NBPF3: variants seen among roughly 807,000 people sequenced by gnomAD.
The protein encoded by NBPF3 is NBPF member 3.
NBPF3 carries 57 observed loss-of-function variants against 78.1 expected under a neutral mutation model. The observed-to-expected ratio is 0.73, with a 90% CI of 0.59 to 0.91. The LOEUF (loss-of-function observed/expected upper bound fraction) is 0.91, where lower values mean the gene tolerates loss of function less well. Ranked by LOEUF, NBPF3 falls within the 40% of genes least tolerant of loss-of-function variation. NBPF3 has a pLI of 0.00. For missense variants in NBPF3, 510 were observed against 715.3 expected, an observed-to-expected ratio of 0.71 and a Z score of 3.27; for synonymous variants, 182 against 271.7, an observed-to-expected ratio of 0.67 and a Z score of 3.25.
intron 3 of NBPF3, among the ~76,000 whole-genome samples, chr1:21,469,192 A>G (rs1477982731): frequency 2.0e-5 from 3 of 152,204 alleles, no homozygotes; most frequent in Non-Finnish European, 4.4e-5. Context: ...CGTGTTTTCA[A>G]GAATCCTCTC....
intron 1 of NBPF3, among the ~76,000 whole-genome samples, chr1:21,443,016 A>T (rs1640750646): frequency 6.6e-6 from 1 of 152,122 alleles, no homozygotes; most frequent in African/African-American, 2.4e-5. Context: ...CCATTTATTG[A>T]AAAGACCATC....
intron 7 of NBPF3, among the ~76,000 whole-genome samples, chr1:21,474,199 TTTTTCTTTTTC>T (rs1642765157): frequency 1.2e-5 from 1 of 82,054 alleles, no homozygotes; most frequent in South Asian, 8.9e-4. Context: ...TTTTCTTTTC[TTTTTCTTTTTC>T]TTTTTTTTTT....
chr1:21,463,065 AAAT>A (rs1180617969), intron 2 of NBPF3, among the ~76,000 whole-genome samples: 7 of 152,196 alleles, frequency 4.6e-5, no homozygotes, highest in Non-Finnish European at 1.0e-4. Flanking sequence ...CATACAGTAA[AAAT>A]AATTAGAGAG....
At chr1:21,466,524 C>A (rs1215933183) in intron 2 of NBPF3, among the ~76,000 whole-genome samples, 94 of 151,454 alleles carry the variant, frequency 6.2e-4, no homozygotes, top group African/African-American at 2.2e-3. Flanking sequence ...AAGGGAAGAC[C>A]CAAGTCTCAT....
At chr1:21,468,634 T>G in intron 2 of NBPF3, 54 bp from the exon 3 acceptor site, 1 of 1,611,788 alleles carries the variant, frequency 6.2e-7, no homozygotes, top group Non-Finnish European at 8.5e-7. Context: ...TGATTAAACC[T>G]ATTTGATTTC....
In NBPF3 at chr1:21,460,551, G is replaced by T. The variant is rs550593152; in HGVS notation, c.134-8137G>T. ...GGAAATGGAAGACTTTTAAGTAAAA[G>T]GATTTTGAGTGAAATAATATTTGTG... On this transcript the variant is annotated intron_variant, in intron 2 of 14. Transcript: ENST00000318249. This position sits in a 1 kb window ranked among gnomAD's most constrained non-coding sequence, Gnocchi z 4.2. 3.3e-5 allele frequency among the ~76,000 whole-genome samples: 5 copies of T among 152,214 alleles called. No individual in the cohort carries two copies. In the South Asian group the frequency reaches 1.0e-3, roughly 32 times the overall value.
At chr1:21,472,357 T>C (rs1642646703) in intron 5 of NBPF3, among the ~76,000 whole-genome samples, 1 of 152,190 alleles carries the variant, frequency 6.6e-6, no homozygotes, top group Non-Finnish European at 1.5e-5. Flanking sequence ...AAGTGCTTGA[T>C]ACTGGAGCAC....
chr1:21,450,240 G>A (rs539355631), intron 2 of NBPF3, among the ~76,000 whole-genome samples: 2 of 152,268 alleles, frequency 1.3e-5, no homozygotes, highest in African/African-American at 4.8e-5. Flanking sequence ...GGGGGACTGA[G>A]GGCCCTTTGT....
chr1:21,470,763 TG>T (rs1418063693), intron 4 of NBPF3, 29 bp downstream of exon 4: 1 of 1,467,462 alleles, frequency 6.8e-7, no homozygotes. Context: ...GTCAGGCAGG[TG>T]GGCAGGTGTG....
At chr1:21,453,022 G>T (rs1372242067) in intron 2 of NBPF3, among the ~76,000 whole-genome samples, 1 of 152,136 alleles carries the variant, frequency 6.6e-6, no homozygotes, top group African/African-American at 2.4e-5. Context: ...GTGTCACCTA[G>T]CGTTATTAGC....
rs1642530832 is a variant in NBPF3, at chr1:21,470,622, CT to C, written c.344-6del. On this transcript the variant is annotated splice_polypyrimidine_tract_variant and intron_variant, in intron 3 of 14. Coordinates refer to ENST00000318249, the MANE Select transcript of NBPF3 (RefSeq NM_032264.6). ...CTTTCACTGAGGCAGGCGTGTGTGT[CT>C]TTTCTCAGACTATGAAGACTGCAAA... 1.3e-6 allele frequency: 2 copies of C among 1,583,938 alleles called. No individual in the cohort carries two copies. The highest frequency in any genetic ancestry group is 1.3e-5 in the African/African-American group (1 of 74,184).
intron 1 of NBPF3, chr1:21,442,407 G>A (rs571625906): frequency 2.0e-5 from 3 of 152,202 alleles, no homozygotes; most frequent in Admixed American, 2.0e-4. Context: ...GTAGAGATGG[G>A]GTTTTGCCAC....
At chr1:21,479,190 C>T (rs1208070444) in intron 9 of NBPF3, among the ~76,000 whole-genome samples, 159 bp from the exon 10 acceptor site, 3 of 152,260 alleles carry the variant, frequency 2.0e-5, no homozygotes, top group Non-Finnish European at 1.5e-5. Flanking sequence ...TCAGTTCTCT[C>T]AAGACTTGCC....
intron 2 of NBPF3, among the ~76,000 whole-genome samples, chr1:21,449,105 G>A (rs1437638723): frequency 1.3e-5 from 2 of 152,184 alleles, no homozygotes; most frequent in Non-Finnish European, 2.9e-5. Context: ...GAACCTCTTT[G>A]TAGTCATTTC....
At chr1:21,443,512 T>G (rs1398336431) in intron 1 of NBPF3, among the ~76,000 whole-genome samples, 1 of 152,230 alleles carries the variant, frequency 6.6e-6, no homozygotes, top group African/African-American at 2.4e-5. Context: ...GCGAGAAAAC[T>G]TTATGGATCA....
chr1:21,451,804 A>T, intron 2 of NBPF3: 1 of 303,030 alleles, frequency 3.3e-6, no homozygotes, highest in South Asian at 5.5e-5. Flanking sequence ...AAATAATATT[A>T]TATCTGTAAA....
At chr1:21,456,887 A>G (rs533314572) in intron 2 of NBPF3, among the ~76,000 whole-genome samples, 1 of 152,340 alleles carries the variant, frequency 6.6e-6, no homozygotes, top group Admixed American at 6.5e-5. Flanking sequence ...TAAGAAAAAT[A>G]AAAGTATTGA....
chr1:21,480,966 G>A lies in NBPF3; in HGVS notation c.1418G>A (p.Gly473Asp), dbSNP rs149733285. The change falls in exon 12 of 15, where the codon GGC becomes GAC. Residue 473 changes from glycine (G) to aspartate (D), a missense_variant. This residue lies in a region of NBPF3 where 5 missense variants were observed against 84.7 expected (regional missense o/e 0.06). Coordinates refer to ENST00000318249, the MANE Select transcript of NBPF3 (RefSeq NM_032264.6). ...GACCAAGAAGAGGAAGAAGACCAAGGCCCACCATGCCCCAGGTAAGTTTGA... is the reference window on the plus strand; with the variant it reads ...GACCAAGAAGAGGAAGAAGACCAAGACCCACCATGCCCCAGGTAAGTTTGA... ...KKDQEEEEDQGPPCPRLSREL... is the reference protein window; with the variant it reads ...KKDQEEEEDQDPPCPRLSREL... 1.9e-3 allele frequency: 3,006 copies of A among 1,586,630 alleles called. 93 individuals are homozygous for A. In the African/African-American group the frequency reaches 0.037, roughly 20 times the overall value.
intron 2 of NBPF3, among the ~76,000 whole-genome samples, chr1:21,449,074 A>G (rs985889573): frequency 3.9e-5 from 6 of 152,330 alleles, no homozygotes; most frequent in Middle Eastern, 3.4e-3. Context: ...AGCACATTTT[A>G]TCGCTTCCCC....
Sources: gnomAD v4.1 joint callset for allele counts (sites outside exome capture counted in the v4.1 genomes callset) on GRCh38, gnomAD v4.1.1 for gene constraint, gnomAD v4.1.1 regional missense constraint, Gnocchi (gnomAD v3.1) non-coding constraint, MANE v1.5 for transcripts, NCBI Gene and HGNC (gene_info 2026-07-23, HGNC 2026-07-21) for gene names.